The following UBAP1L variants were observed in gnomAD, a reference collection of about 807,000 sequenced individuals.
UBAP1L encodes the protein ubiquitin associated protein 1 like, also known as ubiquitin-associated protein 1-like.
A neutral mutation model predicts 32.1 loss-of-function variants in UBAP1L; 32 were observed. The observed-to-expected ratio is 1.00, with a 90% CI of 0.75 to 1.34. The LOEUF (loss-of-function observed/expected upper bound fraction) is 1.34, where lower values mean the gene tolerates loss of function less well. Among genes scored for constraint, UBAP1L ranks in the 40% most tolerant of loss-of-function variants. UBAP1L has a pLI of 0.00. For synonymous variants in UBAP1L, 243 were observed against 250.2 expected, an observed-to-expected ratio of 0.97 and a Z score of 0.27; for missense variants, 516 against 540.5, an observed-to-expected ratio of 0.95 and a Z score of 0.45.
chr15:65,113,615 G>A (rs914388159), intron 1 of UBAP1L, among the ~76,000 whole-genome samples: 4 of 152,096 alleles, frequency 2.6e-5, no homozygotes, highest in Non-Finnish European at 4.4e-5. Flanking sequence ...TGGTGTAGTG[G>A]CACACGCCTG....
intron 3 of UBAP1L, chr15:65,099,972 G>A (rs1280245670): frequency 2.7e-5 from 9 of 329,594 alleles, no homozygotes; most frequent in South Asian, 6.3e-5. Flanking sequence ...GACTGGGCGC[G>A]GTGGCTCATG....
At chr15:65,093,296 C>A in intron 5 of UBAP1L, 65 bp from the exon 6 acceptor site, 1 of 1,459,264 alleles carries the variant, frequency 6.9e-7, no homozygotes, top group Non-Finnish European at 9.0e-7. Flanking sequence ...CCATGGGGAG[C>A]CCCAGCTCCA....
At chr15:65,105,009 TGAAA>T (rs749652160) in intron 2 of UBAP1L, 92 of 84,990 alleles carry the variant, frequency 1.1e-3, no homozygotes, top group South Asian at 2.7e-3. Flanking sequence ...CTGTCTCAAA[TGAAA>T]AAAAAAAAAA....
At chr15:65,099,170 C>A in intron 4 of UBAP1L, 36 of 287,480 alleles carry the variant, frequency 1.3e-4, no homozygotes, top group South Asian at 2.9e-4. Context: ...TCCATCCACA[C>A]ACCCTTTCAC....
In UBAP1L at chr15:65,106,248, TG is replaced by T; in HGVS notation, c.-34del. 6.6e-7 allele frequency: 1 copy of T among 1,513,710 alleles called. No individual in the cohort carries two copies. The highest frequency in any genetic ancestry group is 8.8e-7 in the Non-Finnish European group (1 of 1,131,990). The allele number at this position is 1,513,710 out of a possible 1,614,324, so 93.8% of individuals were successfully genotyped here. On this transcript the variant is annotated 5_prime_UTR_variant, in exon 2 of 6. Transcript: ENST00000559089. ...GGAGTGTGGAGATGGCTGGCAGGGC[TG>T]GGGCAGGCTGCTTGATGGCAGGGAG...
rs1555409131 is a variant in UBAP1L at position 65,099,677 on chromosome 15, C to G, written c.737G>C (p.Gly246Ala). The G allele has an allele frequency of 6.4e-7, 1 of 1,551,048 alleles. No homozygotes were observed. Among genetic ancestry groups the G allele is most frequent in the South Asian group, 1.2e-5 (1 of 84,002 alleles). Reference sequence around the variant, plus strand: ...GTGGGGGTTGAGAGGTTGGGGTGCCCCCCCAAGAGGTGGCAGACAGGTGTA... The same window carrying G: ...GTGGGGGTTGAGAGGTTGGGGTGCCGCCCCAAGAGGTGGCAGACAGGTGTA... ...SPYTCLPPLGGAPQPLNPHKS... is the reference protein window; with the variant it reads ...SPYTCLPPLGAAPQPLNPHKS... The change falls in exon 4 of 6, where the codon GGG becomes GCG. Residue 246 changes from glycine to alanine, a missense_variant. Physicochemically the swap from Gly to Ala is moderately conservative, Grantham distance 60 (BLOSUM62 0). Transcript: ENST00000559089.
rs1210764305 is a variant in UBAP1L, at chr15:65,102,815, G to A, written c.121-131C>T. On this transcript the variant is annotated intron_variant, in intron 2 of 5. Coordinates refer to ENST00000559089, the MANE Select transcript of UBAP1L (RefSeq NM_001163692.2). This position sits in a 1 kb window ranked among gnomAD's most constrained non-coding sequence, Gnocchi z 5.0. ...TGGACAGCGTCAGATTCTGAGCCCCGGGCTTCCATCACAGCCCACTCTACC... is the reference window on the plus strand; with the variant it reads ...TGGACAGCGTCAGATTCTGAGCCCCAGGCTTCCATCACAGCCCACTCTACC... 4.7e-6 allele frequency: 4 copies of A among 842,376 alleles called. No homozygotes were observed. The highest frequency in any genetic ancestry group is 1.9e-5 in the South Asian group (1 of 53,230). 52.2% of individuals were successfully genotyped at this position (842,376 alleles called of 1,614,324 possible).
chr15:65,103,862 T>A (rs184252694), intron 2 of UBAP1L, among the ~76,000 whole-genome samples: 7 of 152,010 alleles, frequency 4.6e-5, no homozygotes, highest in Admixed American at 3.3e-4. Flanking sequence ...AGCTAAGAAA[T>A]AGCCAGCAGC....
rs1301509777 is a variant in UBAP1L at position 65,102,289 on chromosome 15, G to T, written c.516C>A (p.Arg172=). 5 of 1,393,124 alleles carry T rather than the reference G, an allele frequency of 3.6e-6. No individual in the cohort carries two copies. 86.3% of individuals were successfully genotyped at this position (1,393,124 alleles called of 1,614,324 possible). Residue 172 remains arginine (R), a synonymous_variant, in exon 3 of 6, where the codon CGC becomes CGA. Coordinates refer to ENST00000559089, the MANE Select transcript of UBAP1L (RefSeq NM_001163692.2). The surrounding 1 kb of genome is among the most constrained non-coding windows in gnomAD (Gnocchi z 5.0). ...LSEGKLVSRP[R]ALLHGLRGHR... is the part of the protein sequence containing the mutation. ...GGCCGCGGAGGCCATGCAGGAGGGC[G>T]CGGGGCCGGGAGACCAGCTTCCCCT... is the stretch of plus-strand genomic sequence containing the variant.
chr15:65,110,114 A>C (rs1382506720), intron 1 of UBAP1L, among the ~76,000 whole-genome samples: 1 of 152,178 alleles, frequency 6.6e-6, no homozygotes, highest in African/African-American at 2.4e-5. Flanking sequence ...TAATCCCAGC[A>C]CTTTGGGAGG....
At position 65,102,358 on chromosome 15, in the gene UBAP1L, G is replaced by A; in HGVS notation, c.447C>T (p.Arg149=). ...GRRLCSLDVL[R]GVRLELAGAR... ...CCCCTGCCAGCTCCAACCGCACGCCGCGTAGCACGTCCAGCGAGCACAGGC... is the reference window on the plus strand; with the variant it reads ...CCCCTGCCAGCTCCAACCGCACGCCACGTAGCACGTCCAGCGAGCACAGGC... Residue 149 remains arginine (R), a synonymous_variant, in exon 3 of 6, where the codon CGC becomes CGT. Transcript: ENST00000559089. The surrounding 1 kb of genome is among the most constrained non-coding windows in gnomAD (Gnocchi z 5.0). 2.7e-6 allele frequency: 4 copies of A among 1,478,350 alleles called. No individual in the cohort carries two copies. The highest frequency in any genetic ancestry group is 1.5e-5 in the African/African-American group (1 of 67,580). The allele number at this position is 1,478,350 out of a possible 1,614,324, so 91.6% of individuals were successfully genotyped here.
At position 65,102,418 on chromosome 15, in the gene UBAP1L, T is replaced by A. The variant is rs796698167; in HGVS notation, c.387A>T (p.Gln129His). 2.1e-6 allele frequency: 3 copies of A among 1,425,844 alleles called. No homozygotes were observed. The highest frequency in any genetic ancestry group is 2.8e-5 in the East Asian group (1 of 35,144). The allele number at this position is 1,425,844 out of a possible 1,614,324, so 88.3% of individuals were successfully genotyped here. Residue 129 changes from glutamine (Q) to histidine (H), a missense_variant, in exon 3 of 6, where the codon CAA (glutamine) becomes CAT (histidine). Gln to His is a conservative substitution (Grantham distance 24). Coordinates refer to ENST00000559089, the MANE Select transcript of UBAP1L (RefSeq NM_001163692.2). This position sits in a 1 kb window ranked among gnomAD's most constrained non-coding sequence, Gnocchi z 5.0. ...SEEEPAPSSL[Q>H]PGSPASPGPG... Reference sequence around the variant, plus strand: ...GGCCGGGGCTCGCCGGGGAGCCCGGTTGGAGGCTGCTGGGGGCCGGCTCTT... The same window carrying A: ...GGCCGGGGCTCGCCGGGGAGCCCGGATGGAGGCTGCTGGGGGCCGGCTCTT...
chr15:65,099,160 T>C (rs2087210200), intron 4 of UBAP1L: 2 of 268,142 alleles, frequency 7.5e-6, no homozygotes, highest in Non-Finnish European at 1.5e-5. Flanking sequence ...TCTGTGATGT[T>C]CCATCCACAC....
At chr15:65,093,791 C>T (rs1324850017) in intron 5 of UBAP1L, among the ~76,000 whole-genome samples, 1 of 152,218 alleles carries the variant, frequency 6.6e-6, no homozygotes, top group Non-Finnish European at 1.5e-5. Flanking sequence ...CGCCTGTAAT[C>T]CCAGCACTTT....
intron 5 of UBAP1L, among the ~76,000 whole-genome samples, chr15:65,093,473 G>A (rs2087140658): frequency 6.6e-6 from 1 of 152,182 alleles, no homozygotes; most frequent in Non-Finnish European, 1.5e-5. Context: ...GCTCTGTCCT[G>A]ACTCTCCTCC....
chr15:65,093,269 G>A, intron 5 of UBAP1L, 38 bp from the exon 6 acceptor site: 1 of 1,506,762 alleles, frequency 6.6e-7, no homozygotes, highest in Non-Finnish European at 8.9e-7. Flanking sequence ...TGGGGGCTCT[G>A]CTGGGCCTGG....
chr15:65,114,468 T>C (rs2087390308), intron 1 of UBAP1L, among the ~76,000 whole-genome samples: 1 of 152,206 alleles, frequency 6.6e-6, no homozygotes, highest in Non-Finnish European at 1.5e-5. Context: ...GCATTTTGCT[T>C]AGCTTTAATA....
At chr15:65,095,970 G>C (rs888845159) in intron 4 of UBAP1L, 2 of 152,184 alleles carry the variant, frequency 1.3e-5, no homozygotes, top group Non-Finnish European at 2.9e-5. Context: ...CCACAGTTGA[G>C]GAAACTGAGG....
chr15:65,110,263 G>A (rs2087359413), intron 1 of UBAP1L, among the ~76,000 whole-genome samples: 1 of 152,056 alleles, frequency 6.6e-6, no homozygotes, highest in Non-Finnish European at 1.5e-5. Context: ...GGAAGCTGAG[G>A]CAGGAGAATC....
Sources: gnomAD v4.1 joint callset for allele counts (sites outside exome capture counted in the v4.1 genomes callset) on GRCh38, gnomAD v4.1.1 for gene constraint, Gnocchi (gnomAD v3.1) non-coding constraint, MANE v1.5 for transcripts, NCBI Gene and HGNC (gene_info 2026-07-23, HGNC 2026-07-21) for gene names.